Variants in CALN1 observed in about 807,000 individuals in gnomAD.
The protein encoded by CALN1 is calcium-binding protein 8.
A neutral mutation model predicts 30.6 loss-of-function variants in CALN1; 17 were observed. That is an observed-to-expected ratio of 0.56 (90% confidence interval 0.38 to 0.83). The LOEUF (loss-of-function observed/expected upper bound fraction) is 0.83, where lower values mean the gene tolerates loss of function less well. CALN1 is among the 40% of genes least tolerant of loss of function. The pLI is 0.00. For missense variants in CALN1, 291 were observed against 354.9 expected (o/e 0.82, Z 1.45); for synonymous variants, 156 against 131.4 (o/e 1.19, Z -1.28).
intron 6 of CALN1, among the ~76,000 whole-genome samples, chr7:71,806,512 G>T (rs2116138907): frequency 6.6e-6 from 1 of 152,148 alleles, no homozygotes; most frequent in South Asian, 2.1e-4. Context: ...TCATCATATT[G>T]GTCAGGCTGG....
At chr7:72,303,209 G>C (rs1003683473) in intron 2 of CALN1, among the ~76,000 whole-genome samples, 1 of 152,176 alleles carries the variant, frequency 6.6e-6, no homozygotes. Flanking sequence ...TCATGAGATG[G>C]ATTCTAACAA....
At chr7:72,342,855 G>GA (rs369837707) in intron 2 of CALN1, among the ~76,000 whole-genome samples, 75 of 150,320 alleles carry the variant, frequency 5.0e-4, no homozygotes, top group African/African-American at 1.4e-3. Context: ...GGTAGAAGTA[G>GA]AAAAAAAAAA....
chr7:72,473,025 G>GC, the CALN1 span, among the ~76,000 whole-genome samples: 4 of 152,198 alleles, frequency 2.6e-5, no homozygotes, highest in African/African-American at 9.6e-5. Context: ...CATCTCCTGG[G>GC]CCAGGGTCCA....
chr7:72,050,112 C>G (rs893323798), intron 4 of CALN1, among the ~76,000 whole-genome samples: 3 of 152,050 alleles, frequency 2.0e-5, no homozygotes, highest in African/African-American at 7.2e-5. Context: ...AGGCCCCTCG[C>G]CCGGCCGAAG....
intron 3 of CALN1, among the ~76,000 whole-genome samples, chr7:72,164,494 G>A (rs1041337120): frequency 6.6e-5 from 10 of 152,130 alleles, no homozygotes; most frequent in African/African-American, 2.4e-4. Flanking sequence ...GACAGAAAGA[G>A]GCAAGAAAGT....
intron 2 of CALN1, among the ~76,000 whole-genome samples, chr7:72,392,004 T>G (rs566299521): frequency 6.6e-6 from 1 of 152,198 alleles, no homozygotes; most frequent in Non-Finnish European, 1.5e-5. Context: ...GCAGAAGCAA[T>G]AGCTTACAAG....
intron 5 of CALN1, among the ~76,000 whole-genome samples, chr7:71,950,271 T>C (rs1054798658): frequency 6.6e-6 from 1 of 152,114 alleles, no homozygotes; most frequent in Non-Finnish European, 1.5e-5. Flanking sequence ...GGGTCTTTCA[T>C]GTAATCTGTT....
the CALN1 span, among the ~76,000 whole-genome samples, chr7:72,460,183 C>T: frequency 6.6e-6 from 1 of 152,134 alleles, no homozygotes; most frequent in African/African-American, 2.4e-5. Flanking sequence ...GAGGGATCTG[C>T]CCCCATGACC....
chr7:72,302,476 A>G (rs1799339298), intron 2 of CALN1, among the ~76,000 whole-genome samples: 1 of 152,130 alleles, frequency 6.6e-6, no homozygotes. Flanking sequence ...AAATCCAATC[A>G]AGACAGAGGC....
At chr7:71,857,201 G>C (rs890833567) in intron 5 of CALN1, among the ~76,000 whole-genome samples, 1 of 152,070 alleles carries the variant, frequency 6.6e-6, no homozygotes, top group Non-Finnish European at 1.5e-5. Flanking sequence ...TTAATACAAA[G>C]GACATGAGTT....
chr7:71,939,086 G>A (rs1795990808), intron 5 of CALN1, among the ~76,000 whole-genome samples: 2 of 152,146 alleles, frequency 1.3e-5, no homozygotes, highest in African/African-American at 2.4e-5. Context: ...AAAAGAATAA[G>A]AGGGCAGACT....
At chr7:72,156,664 C>T (rs1302210147) in intron 3 of CALN1, among the ~76,000 whole-genome samples, 1 of 152,218 alleles carries the variant, frequency 6.6e-6, no homozygotes, top group Non-Finnish European at 1.5e-5. Flanking sequence ...ACACATTGGG[C>T]CATGCTCACC....
intron 5 of CALN1, among the ~76,000 whole-genome samples, chr7:71,953,137 T>C (rs1244087763): frequency 6.6e-6 from 1 of 152,028 alleles, no homozygotes; most frequent in East Asian, 1.9e-4. Context: ...TTTTAATTTT[T>C]TGCAGGAACG....
At chr7:71,936,892 A>T (rs1795863977) in intron 5 of CALN1, among the ~76,000 whole-genome samples, 1 of 151,156 alleles carries the variant, frequency 6.6e-6, no homozygotes, top group African/African-American at 2.5e-5. Flanking sequence ...TGATGGTTTT[A>T]TCAGGAGTTT....
At chr7:72,383,465 T>TACC (rs1805032192) in intron 2 of CALN1, among the ~76,000 whole-genome samples, 1 of 152,140 alleles carries the variant, frequency 6.6e-6, no homozygotes, top group African/African-American at 2.4e-5. Context: ...GGTATCTCAT[T>TACC]ATGGTTTTGA....
chr7:71,794,293 C>T (rs1786754797), intron 6 of CALN1, among the ~76,000 whole-genome samples: 2 of 152,188 alleles, frequency 1.3e-5, no homozygotes, highest in Admixed American at 6.5e-5. Context: ...ACTTCAAACA[C>T]CGAGTGTGGT....
intron 6 of CALN1, among the ~76,000 whole-genome samples, chr7:71,808,928 A>T (rs1787776854): frequency 6.6e-6 from 1 of 151,996 alleles, no homozygotes; most frequent in Non-Finnish European, 1.5e-5. Context: ...TCACCCTCGC[A>T]TGTCCTGCTG....
chr7:72,179,202 G>C (rs1263526623), intron 3 of CALN1, among the ~76,000 whole-genome samples: 2 of 152,176 alleles, frequency 1.3e-5, no homozygotes, highest in Non-Finnish European at 2.9e-5. Flanking sequence ...AAGTAGATAA[G>C]AAAAACATTC....
At chr7:72,197,816 A>C (rs977357656) in intron 3 of CALN1, among the ~76,000 whole-genome samples, 30 of 152,194 alleles carry the variant, frequency 2.0e-4, no homozygotes, top group African/African-American at 7.0e-4. Flanking sequence ...TGATCATGCC[A>C]CTGCACTCTA....
Sources: allele counts gnomAD v4.1 joint callset (sites outside exome capture counted in the v4.1 genomes callset), GRCh38; gene constraint gnomAD v4.1.1; transcripts MANE v1.5; gene names NCBI Gene and HGNC (gene_info 2026-07-23, HGNC 2026-07-21).